INSR: variants seen among roughly 807,000 people sequenced by gnomAD.
The protein encoded by INSR is IR.
In INSR, 67 loss-of-function variants were observed where a neutral mutation model predicts 142.6. That is an observed-to-expected ratio of 0.47 (90% confidence interval 0.39 to 0.58). INSR has a LOEUF of 0.58. Ranked by LOEUF, INSR falls within the 20% of genes least tolerant of loss-of-function variation. The pLI, the probability that INSR is intolerant of heterozygous loss-of-function variation, is 0.00. For synonymous variants in INSR, 756 were observed against 743.1 expected, an observed-to-expected ratio of 1.02 and a Z score of -0.28; for missense variants, 1,248 against 1,833.2, an observed-to-expected ratio of 0.68 and a Z score of 5.83.
At chr19:7,255,161 T>C (rs1416040403) in intron 2 of INSR, among the ~76,000 whole-genome samples, 2 of 152,176 alleles carry the variant, frequency 1.3e-5, no homozygotes, top group Non-Finnish European at 2.9e-5. Flanking sequence ...CTACCATCTT[T>C]CAGCGCAGCC....
intron 2 of INSR, among the ~76,000 whole-genome samples, chr19:7,190,040 T>C (rs1457918297): frequency 1.3e-5 from 2 of 152,006 alleles, no homozygotes; most frequent in Non-Finnish European, 2.9e-5. Context: ...ACAAATTATT[T>C]TCATCTCAGA....
rs539590018 is a variant in INSR at position 7,143,626 on chromosome 19, T to C, written c.2268-536A>G. Among the ~76,000 whole-genome samples, 3 of 152,278 alleles carry C rather than the reference T, an allele frequency of 2.0e-5. No individual in the cohort carries two copies. The East Asian group carries it at 5.8e-4, about 29-fold the overall frequency. On this transcript the variant is annotated intron_variant, in intron 11 of 21. Coordinates refer to ENST00000302850, the MANE Select transcript of INSR (RefSeq NM_000208.4). ...TGCAATTCTTAGAAAAGGAATCACATCACTCAGGTCAGGAAGATTAACTCC... is the reference window on the plus strand; with the variant it reads ...TGCAATTCTTAGAAAAGGAATCACACCACTCAGGTCAGGAAGATTAACTCC...
At chr19:7,131,770 G>A (rs547855314) in intron 14 of INSR, among the ~76,000 whole-genome samples, 139 of 147,622 alleles carry the variant, frequency 9.4e-4, no homozygotes, top group African/African-American at 3.4e-3. Context: ...AGGCCGAGGC[G>A]GGTGGATCAC....
intron 2 of INSR, among the ~76,000 whole-genome samples, chr19:7,257,883 C>T (rs1039056165): frequency 8.5e-5 from 13 of 152,140 alleles, no homozygotes; most frequent in African/African-American, 3.1e-4. Context: ...AGTGCAGTGG[C>T]GCAATCTCCA....
chr19:7,120,497 G>T, intron 20 of INSR, 123 bp downstream of exon 20: 1 of 1,153,032 alleles, frequency 8.7e-7, no homozygotes, highest in Non-Finnish European at 1.3e-6. Flanking sequence ...AAGACAGGAC[G>T]CTGCCTTCCT....
chr19:7,179,562 G>A (rs1305924188), intron 3 of INSR, among the ~76,000 whole-genome samples: 1 of 152,242 alleles, frequency 6.6e-6, no homozygotes, highest in Non-Finnish European at 1.5e-5. Flanking sequence ...TTGGCAAACA[G>A]TGGGCTGGGA....
intron 15 of INSR, among the ~76,000 whole-genome samples, chr19:7,127,709 T>C (rs1972679093): frequency 6.6e-6 from 1 of 152,158 alleles, no homozygotes; most frequent in African/African-American, 2.4e-5. Flanking sequence ...CTGTTGTTTG[T>C]CCAGGCTTGA....
In INSR at chr19:7,246,442, T is replaced by C. The variant is rs1439391653; in HGVS notation, c.652+20903A>G. On this transcript the variant is annotated intron_variant, in intron 2 of 21. Coordinates refer to ENST00000302850, the MANE Select transcript of INSR (RefSeq NM_000208.4). ...CAGCACCAACCACCAGACATGTGAGTGAGGCCATGCTAGACCATCCAGCTA... is the reference window on the plus strand; with the variant it reads ...CAGCACCAACCACCAGACATGTGAGCGAGGCCATGCTAGACCATCCAGCTA... Among the ~76,000 whole-genome samples, 3 of 151,906 alleles carry C rather than the reference T, an allele frequency of 2.0e-5. No homozygotes were observed. The East Asian group carries it at 5.8e-4, about 29-fold the overall frequency.
intron 13 of INSR, among the ~76,000 whole-genome samples, chr19:7,138,264 G>A (rs1313164040): frequency 6.6e-6 from 1 of 152,152 alleles, no homozygotes; most frequent in East Asian, 1.9e-4. Context: ...GCACCCAGCA[G>A]ATACAGGGGG....
intron 5 of INSR, among the ~76,000 whole-genome samples, chr19:7,171,382 G>A (rs1306910428): frequency 6.6e-6 from 1 of 152,084 alleles, no homozygotes; most frequent in Non-Finnish European, 1.5e-5. Flanking sequence ...CCCATTTGCT[G>A]TCTGTTCTAC....
Position 7,119,793 on chromosome 19 carries a change from C to T in INSR, c.3660-210G>A, listed in dbSNP as rs916056630. Among the ~76,000 whole-genome samples, 13 of 149,594 alleles carry T rather than the reference C, an allele frequency of 8.7e-5. 1 individual carries two copies. The highest frequency in any genetic ancestry group is 1.9e-4 in the Non-Finnish European group (13 of 67,652). On this transcript the variant is annotated intron_variant, in intron 20 of 21. Coordinates refer to ENST00000302850, the MANE Select transcript of INSR (RefSeq NM_000208.4). The surrounding 1 kb of genome is among the most constrained non-coding windows in gnomAD (Gnocchi z 5.2). ...ACACGCATGCGCACACATGCACACA[C>T]AAATATGCAAACACACAAACACATA...
chr19:7,222,786 C>T (rs924305053), intron 2 of INSR, among the ~76,000 whole-genome samples: 14 of 152,110 alleles, frequency 9.2e-5, no homozygotes, highest in Non-Finnish European at 1.8e-4. Flanking sequence ...TAGGTAACTA[C>T]GCTTCCTTAG....
intron 13 of INSR, among the ~76,000 whole-genome samples, chr19:7,139,710 G>C (rs1156304732): frequency 6.6e-6 from 1 of 151,772 alleles, no homozygotes; most frequent in East Asian, 1.9e-4. Flanking sequence ...TAGCAAACAG[G>C]GCCCCAAAAT....
chr19:7,135,865 G>A (rs1409779979), intron 13 of INSR, among the ~76,000 whole-genome samples: 1 of 151,726 alleles, frequency 6.6e-6, no homozygotes, highest in East Asian at 1.9e-4. Context: ...ATACTCAAGA[G>A]GCTGAGGGAG....
intron 3 of INSR, among the ~76,000 whole-genome samples, chr19:7,181,979 T>C (rs1260914893): frequency 1.3e-5 from 2 of 152,076 alleles, no homozygotes; most frequent in African/African-American, 2.4e-5. Context: ...CTGGCCCTAT[T>C]TGATATCAAA....
intron 2 of INSR, among the ~76,000 whole-genome samples, chr19:7,214,842 T>TTCCTTCCTTCTTCCCTCCGTCCCCACC: frequency 8.7e-6 from 1 of 114,570 alleles, no homozygotes; most frequent in Non-Finnish European, 1.7e-5. Flanking sequence ...CCCTCCCTCC[T>TTCCTTCCTTCTTCCCTCCGTCCCCACC]TCCTTCCTTC....
intron 11 of INSR, among the ~76,000 whole-genome samples, chr19:7,148,931 A>T (rs1973251596): frequency 6.7e-6 from 1 of 149,038 alleles, no homozygotes; most frequent in African/African-American, 2.5e-5. Flanking sequence ...AGTAGCTGGG[A>T]CTACAGGCGT....
intron 1 of INSR, among the ~76,000 whole-genome samples, chr19:7,273,797 G>A (rs1435658115): frequency 9.2e-5 from 14 of 151,864 alleles, no homozygotes; most frequent in African/African-American, 3.1e-4. Flanking sequence ...GATTACAGGC[G>A]TGAGCCACCG....
intron 21 of INSR, among the ~76,000 whole-genome samples, chr19:7,118,411 C>G (rs190103428): frequency 6.6e-6 from 1 of 151,794 alleles, no homozygotes. Context: ...TCTGCCTCCC[C>G]GATTCAAGCA....
Sources: allele counts gnomAD v4.1 joint callset (sites outside exome capture counted in the v4.1 genomes callset), GRCh38; gene constraint gnomAD v4.1.1; non-coding constraint Gnocchi (gnomAD v3.1); transcripts MANE v1.5; gene names NCBI Gene and HGNC (gene_info 2026-07-23, HGNC 2026-07-21).